ELMO1: variants seen among roughly 807,000 people sequenced by gnomAD.
ELMO1 encodes the protein engulfment and cell motility protein 1.
In ELMO1, 26 loss-of-function variants were observed where a neutral mutation model predicts 98.9. The observed-to-expected ratio is 0.26, with a 90% CI of 0.19 to 0.36. ELMO1 has a LOEUF of 0.36. Ranked by LOEUF, ELMO1 falls within the 10% of genes least tolerant of loss-of-function variation. ELMO1 has a pLI of 1.00. For synonymous variants in ELMO1, 346 were observed against 346.0 expected (o/e 1.00, Z 0.00); for missense variants, 627 against 935.2 (o/e 0.67, Z 4.30).
At chr7:36,911,399 G>A (rs1784333467) in intron 16 of ELMO1, among the ~76,000 whole-genome samples, 1 of 152,042 alleles carries the variant, frequency 6.6e-6, no homozygotes. Context: ...ATACTATATG[G>A]GGCCATATTG....
chr7:37,156,972 A>G (rs1217207379), intron 13 of ELMO1, among the ~76,000 whole-genome samples: 8 of 152,234 alleles, frequency 5.3e-5, no homozygotes, highest in African/African-American at 1.7e-4. Flanking sequence ...ATCCACCACG[A>G]GCAAGTCTTC....
At chr7:36,964,753 A>T (rs941756704) in intron 16 of ELMO1, among the ~76,000 whole-genome samples, 4 of 152,222 alleles carry the variant, frequency 2.6e-5, no homozygotes, top group Non-Finnish European at 5.9e-5. Context: ...AGCTTTTATG[A>T]ACCAAATGAA....
chr7:37,192,949 A>G (rs1444300158), intron 13 of ELMO1, among the ~76,000 whole-genome samples: 1 of 139,290 alleles, frequency 7.2e-6, no homozygotes, highest in Non-Finnish European at 1.5e-5. Flanking sequence ...AGATACATAT[A>G]TATTTTTTAT....
intron 1 of ELMO1, among the ~76,000 whole-genome samples, chr7:37,349,448 CT>C (rs924752081): frequency 1.3e-5 from 2 of 151,580 alleles, no homozygotes; most frequent in East Asian, 1.9e-4. Flanking sequence ...CTAGTCTTCA[CT>C]TTTTTTTTCT....
intron 16 of ELMO1, among the ~76,000 whole-genome samples, chr7:36,920,882 G>A (rs1785094626): frequency 6.6e-6 from 1 of 152,052 alleles, no homozygotes; most frequent in South Asian, 2.1e-4. Flanking sequence ...TTCATCTATG[G>A]TCTGAATGTT....
At chr7:37,351,940 G>T (rs574497603) in intron 1 of ELMO1, among the ~76,000 whole-genome samples, 2 of 152,158 alleles carry the variant, frequency 1.3e-5, no homozygotes, top group African/African-American at 4.8e-5. Flanking sequence ...CAGAAGTCAC[G>T]CATGGATTGC....
intron 15 of ELMO1, among the ~76,000 whole-genome samples, chr7:37,050,323 C>T (rs889828714): frequency 1.3e-5 from 2 of 152,104 alleles, no homozygotes; most frequent in African/African-American, 4.8e-5. Flanking sequence ...ATCCGCCCAC[C>T]TTGGCCTCCC....
intron 2 of ELMO1, among the ~76,000 whole-genome samples, chr7:37,334,787 C>T (rs1302647301): frequency 6.6e-6 from 1 of 152,136 alleles, no homozygotes; most frequent in Non-Finnish European, 1.5e-5. Context: ...GGAATTATAT[C>T]TTAAATATGC....
intron 13 of ELMO1, among the ~76,000 whole-genome samples, chr7:37,133,908 C>G (rs1787091258): frequency 6.6e-6 from 1 of 152,128 alleles, no homozygotes; most frequent in Non-Finnish European, 1.5e-5. Context: ...ATGCAGAACT[C>G]AAACACCTCA....
intron 5 of ELMO1, among the ~76,000 whole-genome samples, chr7:37,259,811 A>C (rs1459289591): frequency 6.6e-6 from 1 of 152,204 alleles, no homozygotes; most frequent in Non-Finnish European, 1.5e-5. Flanking sequence ...AACTGCCTAC[A>C]CATGTTCGGG....
chr7:37,216,814 T>C, intron 10 of ELMO1, 119 bp from the exon 11 acceptor site: 1 of 984,362 alleles, frequency 1.0e-6, no homozygotes, highest in Non-Finnish European at 1.6e-6. Context: ...GTATTTCTTA[T>C]GAAATAATGA....
chr7:37,063,235 C>CTACACCTGGACCAAGTATGACTGTAT (rs1796761111), intron 15 of ELMO1, among the ~76,000 whole-genome samples: 1 of 152,144 alleles, frequency 6.6e-6, no homozygotes, highest in Admixed American at 6.5e-5. Context: ...TGGACCAAGT[C>CTACACCTGGACCAAGTATGACTGTAT]TACACCTGGA....
chr7:37,243,388 T>C (rs753981063), intron 7 of ELMO1, among the ~76,000 whole-genome samples: 2 of 152,108 alleles, frequency 1.3e-5, no homozygotes, highest in Non-Finnish European at 2.9e-5. Flanking sequence ...GAGTAATGAG[T>C]GTAAACATTG....
chr7:37,386,773 A>C (rs1215479729), intron 1 of ELMO1, among the ~76,000 whole-genome samples: 3 of 152,002 alleles, frequency 2.0e-5, no homozygotes, highest in Non-Finnish European at 2.9e-5. Context: ...TTCAACAAAG[A>C]TCCTCCCATC....
At chr7:37,025,895 TTCTATCTATCTATCTA>T (rs57497721) in intron 15 of ELMO1, among the ~76,000 whole-genome samples, 5 of 142,960 alleles carry the variant, frequency 3.5e-5, no homozygotes, top group South Asian at 4.5e-4. Context: ...ATATTATATA[TTCTATCTATCTATCTA>T]TCTATCTATC....
At chr7:37,345,938 G>A (rs1367463641) in intron 1 of ELMO1, among the ~76,000 whole-genome samples, 2 of 147,700 alleles carry the variant, frequency 1.4e-5, no homozygotes, top group African/African-American at 2.5e-5. Flanking sequence ...GCAGTGAGCC[G>A]AGATCATGCC....
At chr7:37,002,503 G>T (rs892365578) in intron 16 of ELMO1, among the ~76,000 whole-genome samples, 1 of 152,166 alleles carries the variant, frequency 6.6e-6, no homozygotes, top group Admixed American at 6.5e-5. Flanking sequence ...TGATTGTACC[G>T]ACTTTGGCCA....
chr7:37,408,438 C>T (rs980190093), intron 1 of ELMO1, among the ~76,000 whole-genome samples: 5 of 152,130 alleles, frequency 3.3e-5, no homozygotes, highest in African/African-American at 1.2e-4. Flanking sequence ...AAAAAATAAC[C>T]GCAGAGCAAC....
chr7:37,088,052 C>T (rs1262128235), intron 15 of ELMO1, among the ~76,000 whole-genome samples: 1 of 152,178 alleles, frequency 6.6e-6, no homozygotes, highest in African/African-American at 2.4e-5. Context: ...GTCTGTATCT[C>T]TCATTACCAG....
Sources: allele counts gnomAD v4.1 joint callset (sites outside exome capture counted in the v4.1 genomes callset), GRCh38; gene constraint gnomAD v4.1.1; transcripts MANE v1.5; gene names NCBI Gene and HGNC (gene_info 2026-07-23, HGNC 2026-07-21).